Variants in APP observed in about 807,000 individuals in gnomAD.
APP encodes the protein amyloid beta precursor protein, also known as amyloid-beta precursor protein.
APP carries 31 observed loss-of-function variants against 101.4 expected under a neutral mutation model. The observed-to-expected ratio is 0.31, with a 90% CI of 0.23 to 0.41. The LOEUF (loss-of-function observed/expected upper bound fraction) is 0.41. APP is among the 10% of genes least tolerant of loss of function. APP has a pLI of 1.00. For synonymous variants in APP, 366 were observed against 364.4 expected (o/e 1.00, Z -0.05); for missense variants, 839 against 1,003.7 (o/e 0.84, Z 2.22).
At chr21:25,918,439 C>T (rs1448721305) in intron 13 of APP, among the ~76,000 whole-genome samples, 12 of 152,076 alleles carry the variant, frequency 7.9e-5, no homozygotes, top group Admixed American at 4.6e-4. Flanking sequence ...ACGCAGAAGA[C>T]GGGTGATTTC....
In APP at chr21:26,051,188, G is replaced by A; in HGVS notation, c.474C>T (p.Cys158=). ...LHWHTVAKET[C]SEKSTNLHDY... is the part of the protein sequence containing the mutation. ...CATGCAAGTTGGTACTCTTCTCACT[G>A]CATGTCTACAAAGTGTAAGGAGAAA... The change falls in exon 5 of 18, where the codon TGC becomes TGT. Residue 158 remains cysteine, a synonymous_variant. Transcript: ENST00000346798. 6.2e-7 allele frequency: 1 copy of A among 1,613,236 alleles called. No individual in the cohort carries two copies.
chr21:25,959,757 G>A (rs2041496737), intron 11 of APP, among the ~76,000 whole-genome samples: 1 of 152,198 alleles, frequency 6.6e-6, no homozygotes. Flanking sequence ...TAAAGGATTA[G>A]GATTACTGGA....
intron 1 of APP, among the ~76,000 whole-genome samples, chr21:26,143,800 A>AT (rs2146317948): frequency 6.6e-6 from 1 of 152,214 alleles, no homozygotes; most frequent in East Asian, 1.9e-4. Flanking sequence ...ATCATGCAGT[A>AT]TTTGTTTTTC....
At chr21:26,054,157 T>A (rs1027138260) in intron 3 of APP, among the ~76,000 whole-genome samples, 11 of 152,194 alleles carry the variant, frequency 7.2e-5, no homozygotes, top group African/African-American at 2.7e-4. Flanking sequence ...AGTTAAATTC[T>A]GTAATAGAGA....
intron 2 of APP, among the ~76,000 whole-genome samples, chr21:26,092,157 T>C (rs973402249): frequency 1.5e-4 from 23 of 152,232 alleles, no homozygotes; most frequent in Non-Finnish European, 3.2e-4. Flanking sequence ...TGGAGTTTTT[T>C]TGCAGTAATT....
intron 16 of APP, among the ~76,000 whole-genome samples, chr21:25,895,110 CTT>C (rs142828503): frequency 0.39 from 55,107 of 142,510 alleles, 10,486 homozygotes; most frequent in Non-Finnish European, 0.43. Flanking sequence ...ATATACATGG[CTT>C]TTTTTTTTTT....
chr21:25,984,183 C>CT (rs2146608464), intron 8 of APP, among the ~76,000 whole-genome samples: 1 of 151,896 alleles, frequency 6.6e-6, no homozygotes, highest in East Asian at 1.9e-4. Context: ...AGTTCTGATA[C>CT]TTTTATTCAA....
chr21:25,999,068 A>G (rs891578647), intron 7 of APP, among the ~76,000 whole-genome samples: 1 of 152,222 alleles, frequency 6.6e-6, no homozygotes, highest in Non-Finnish European at 1.5e-5. Flanking sequence ...AGGCAGGTGG[A>G]TCACTTGAGG....
chr21:26,116,832 T>G (rs768282711), intron 1 of APP, among the ~76,000 whole-genome samples: 1 of 152,176 alleles, frequency 6.6e-6, no homozygotes, highest in Non-Finnish European at 1.5e-5. Flanking sequence ...AATGAAGTAT[T>G]TGGTACTTTT....
chr21:25,923,343 C>G (rs2039716285), intron 13 of APP, among the ~76,000 whole-genome samples: 1 of 148,688 alleles, frequency 6.7e-6, no homozygotes, highest in Non-Finnish European at 1.5e-5. Flanking sequence ...GTCCAAAACA[C>G]CAAAAGCAAT....
intron 3 of APP, among the ~76,000 whole-genome samples, chr21:26,056,555 C>T (rs1387359600): frequency 6.7e-6 from 1 of 148,902 alleles, no homozygotes; most frequent in Non-Finnish European, 1.5e-5. Context: ...CCACCCACCA[C>T]CCCCCTGCCC....
intron 17 of APP, among the ~76,000 whole-genome samples, chr21:25,882,790 A>C (rs558265612): frequency 3.2e-4 from 48 of 152,318 alleles, no homozygotes; most frequent in African/African-American, 9.4e-4. Flanking sequence ...TTTCCAGAGA[A>C]AAGTTTGGAT....
At chr21:26,007,241 T>A (rs1297864145) in intron 6 of APP, among the ~76,000 whole-genome samples, 1 of 151,450 alleles carries the variant, frequency 6.6e-6, no homozygotes, top group Non-Finnish European at 1.5e-5. Context: ...ATATAATTTA[T>A]TTTTGTAATA....
chr21:26,082,408 A>G (rs2061616734), intron 3 of APP, among the ~76,000 whole-genome samples: 1 of 152,174 alleles, frequency 6.6e-6, no homozygotes, highest in African/African-American at 2.4e-5. Flanking sequence ...AAACTTAGTT[A>G]CCAAAAAGCA....
intron 3 of APP, among the ~76,000 whole-genome samples, chr21:26,069,622 T>C (rs1012049291): frequency 6.6e-6 from 1 of 152,172 alleles, no homozygotes; most frequent in African/African-American, 2.4e-5. Context: ...ACTCAATAAA[T>C]ACACAACCAC....
intron 9 of APP, among the ~76,000 whole-genome samples, chr21:25,979,401 T>C (rs764347241): frequency 6.6e-6 from 1 of 152,214 alleles, no homozygotes; most frequent in Non-Finnish European, 1.5e-5. Flanking sequence ...CTTCAAAGAC[T>C]TGGCTGTTTC....
At chr21:25,903,494 T>A (rs868722112) in intron 15 of APP, among the ~76,000 whole-genome samples, 1 of 152,114 alleles carries the variant, frequency 6.6e-6, no homozygotes. Flanking sequence ...ATGTAGAAAT[T>A]TGATAAAATT....
chr21:26,069,995 T>A (rs1234454370), intron 3 of APP, among the ~76,000 whole-genome samples: 1 of 152,212 alleles, frequency 6.6e-6, no homozygotes, highest in East Asian at 1.9e-4. Flanking sequence ...AATATTGCTA[T>A]GAGTTCACAA....
At chr21:26,117,626 G>A (rs1244927984) in intron 1 of APP, among the ~76,000 whole-genome samples, 1 of 152,188 alleles carries the variant, frequency 6.6e-6, no homozygotes, top group Non-Finnish European at 1.5e-5. Flanking sequence ...TGACCGGGCT[G>A]TCTCTCAAAT....
Sources: allele counts gnomAD v4.1 joint callset (sites outside exome capture counted in the v4.1 genomes callset), GRCh38; gene constraint gnomAD v4.1.1; transcripts MANE v1.5; gene names NCBI Gene and HGNC (gene_info 2026-07-23, HGNC 2026-07-21).